The following PDZRN4 variants were observed in gnomAD, a reference collection of about 807,000 sequenced individuals.
PDZRN4 encodes the protein PDZ domain containing ring finger 4, also known as PDZ domain-containing RING finger protein 4.
In PDZRN4, 70 loss-of-function variants were observed where a neutral mutation model predicts 99.0. The observed-to-expected ratio is 0.71, with a 90% CI of 0.58 to 0.86. The LOEUF (loss-of-function observed/expected upper bound fraction) is 0.86. Among genes scored for constraint, PDZRN4 ranks in the 40% least tolerant of loss-of-function variants. The pLI is 0.00. For synonymous variants in PDZRN4, 551 were observed against 501.6 expected (o/e 1.10, Z -1.32); for missense variants, 1,474 against 1,331.2 (o/e 1.11, Z -1.67).
intron 3 of PDZRN4, among the ~76,000 whole-genome samples, chr12:41,385,220 G>A (rs1304680586): frequency 6.6e-6 from 1 of 152,150 alleles, no homozygotes; most frequent in Non-Finnish European, 1.5e-5. Context: ...ATTCTGGGGA[G>A]GAGTTGCACA....
intron 3 of PDZRN4, among the ~76,000 whole-genome samples, chr12:41,255,702 G>A (rs1453678547): frequency 6.6e-6 from 1 of 152,152 alleles, no homozygotes; most frequent in Non-Finnish European, 1.5e-5. Context: ...TCATGGTTTT[G>A]CGAGCTGTAC....
chr12:41,257,625 T>C (rs552209312), intron 3 of PDZRN4, among the ~76,000 whole-genome samples: 3 of 152,300 alleles, frequency 2.0e-5, no homozygotes, highest in Non-Finnish European at 2.9e-5. Context: ...TTTGGACACA[T>C]AGAAGAAATG....
At chr12:41,264,305 A>C (rs968058201) in intron 3 of PDZRN4, among the ~76,000 whole-genome samples, 1 of 152,226 alleles carries the variant, frequency 6.6e-6, no homozygotes, top group African/African-American at 2.4e-5. Context: ...AAATTATGAC[A>C]TTGTTTTTTA....
intron 3 of PDZRN4, chr12:41,438,052 C>T: frequency 1.2e-6 from 2 of 1,606,034 alleles, no homozygotes; most frequent in South Asian, 1.1e-5. Context: ...AAGAGCCAGG[C>T]TTTGTGTTTG....
At chr12:41,478,003 G>A (rs1937620380) in intron 3 of PDZRN4, 1 of 849,694 alleles carries the variant, frequency 1.2e-6, no homozygotes, top group East Asian at 2.7e-5. Flanking sequence ...ATAGATAAGA[G>A]GACAAATGTG....
At chr12:41,226,952 C>T (rs1950999070) in intron 3 of PDZRN4, among the ~76,000 whole-genome samples, 3 of 152,098 alleles carry the variant, frequency 2.0e-5, no homozygotes, top group Admixed American at 6.6e-5. Flanking sequence ...TGATCTAATA[C>T]CCAGGTTTCT....
At chr12:41,517,656 G>A (rs529031769) in intron 5 of PDZRN4, among the ~76,000 whole-genome samples, 2 of 152,098 alleles carry the variant, frequency 1.3e-5, no homozygotes, top group African/African-American at 4.8e-5. Flanking sequence ...AGAACAACCA[G>A]TGTTGGCTGT....
At chr12:41,295,486 A>G (rs745406206) in intron 3 of PDZRN4, among the ~76,000 whole-genome samples, 10 of 152,142 alleles carry the variant, frequency 6.6e-5, no homozygotes, top group African/African-American at 1.2e-4. Flanking sequence ...AAAGTCAGAA[A>G]AAGAACAAAT....
chr12:41,412,517 C>T (rs2120380915), intron 3 of PDZRN4: 1 of 152,202 alleles, frequency 6.6e-6, no homozygotes, highest in South Asian at 2.1e-4. Context: ...CGGGTGATAA[C>T]AGGTGACATT....
At chr12:41,548,192 A>G (rs1459600441) in intron 5 of PDZRN4, among the ~76,000 whole-genome samples, 2 of 152,168 alleles carry the variant, frequency 1.3e-5, no homozygotes, top group African/African-American at 4.8e-5. Context: ...ATATTCCAGG[A>G]GTTTCGTGAT....
At chr12:41,393,977 A>T (rs1952227843) in intron 3 of PDZRN4, among the ~76,000 whole-genome samples, 1 of 152,204 alleles carries the variant, frequency 6.6e-6, no homozygotes, top group Admixed American at 6.5e-5. Context: ...TGTCTTAGTC[A>T]ATTTGAGCCA....
At chr12:41,287,852 T>G (rs1484368449) in intron 3 of PDZRN4, among the ~76,000 whole-genome samples, 6 of 152,204 alleles carry the variant, frequency 3.9e-5, no homozygotes, top group Non-Finnish European at 7.3e-5. Flanking sequence ...TTTCCAGGAC[T>G]GTCACCAAAG....
intron 3 of PDZRN4, among the ~76,000 whole-genome samples, chr12:41,440,282 A>C (rs1339880913): frequency 6.6e-6 from 1 of 152,172 alleles, no homozygotes; most frequent in Non-Finnish European, 1.5e-5. Context: ...GAGCTAAGGC[A>C]AAATAAAGTT....
At chr12:41,527,851 T>C (rs1221624731) in intron 5 of PDZRN4, among the ~76,000 whole-genome samples, 1 of 152,174 alleles carries the variant, frequency 6.6e-6, no homozygotes, top group Non-Finnish European at 1.5e-5. Context: ...ACTGATTCTG[T>C]CTCACTCTGA....
intron 3 of PDZRN4, among the ~76,000 whole-genome samples, chr12:41,470,768 G>A (rs188343153): frequency 3.2e-4 from 49 of 152,048 alleles, no homozygotes; most frequent in African/African-American, 1.1e-3. Flanking sequence ...GATACAGATC[G>A]CTTCTGCTTT....
intron 3 of PDZRN4, among the ~76,000 whole-genome samples, chr12:41,466,749 G>GT (rs1428204649): frequency 5.0e-5 from 5 of 99,874 alleles, no homozygotes; most frequent in Admixed American, 2.8e-4. Flanking sequence ...TATATTTCCA[G>GT]TGTTTTTTTT....
chr12:41,195,930 T>C (rs1266080833), intron 3 of PDZRN4, among the ~76,000 whole-genome samples: 1 of 152,158 alleles, frequency 6.6e-6, no homozygotes, highest in Non-Finnish European at 1.5e-5. Flanking sequence ...ACTGAATACA[T>C]ATATTGTTAC....
rs74077418 is a variant in PDZRN4, at chr12:41,288,039, T to G, written c.843+93851T>G. 2.5e-3 allele frequency among the ~76,000 whole-genome samples: 380 copies of G among 152,284 alleles called. 2 individuals carry two copies. The highest frequency in any genetic ancestry group is 9.0e-3 in the African/African-American group (373 of 41,554). On this transcript the variant is annotated intron_variant, in intron 3 of 9. Transcript: ENST00000402685. ...CAGCAATAATACTTGCTCCGCCTGC[T>G]GCAACGTGATGTATTGATGTGTATA...
chr12:41,331,280 T>C lies in PDZRN4; in HGVS notation c.843+137092T>C, dbSNP rs1951739836. On this transcript the variant is annotated intron_variant, in intron 3 of 9. Transcript: ENST00000402685. ...ATGGTTTTAAAGATGTTAAGTATAT[T>C]CTTAATAATTTTCTATATTTCGGTA... is the stretch of plus-strand genomic sequence containing the variant. Among the ~76,000 whole-genome samples, 3 of 152,264 alleles carry C rather than the reference T, an allele frequency of 2.0e-5. No individual in the cohort carries two copies. The South Asian group carries it at 6.2e-4, about 32-fold the overall frequency.
Sources: allele counts gnomAD v4.1 joint callset (sites outside exome capture counted in the v4.1 genomes callset), GRCh38; gene constraint gnomAD v4.1.1; transcripts MANE v1.5; gene names NCBI Gene and HGNC (gene_info 2026-07-23, HGNC 2026-07-21).